The following GSPT1 variants were observed in gnomAD, a reference collection of about 807,000 sequenced individuals.
The protein encoded by GSPT1 is G1 to S phase transition 1.
A neutral mutation model predicts 72.5 loss-of-function variants in GSPT1; 20 were observed. That is an observed-to-expected ratio of 0.28 (90% CI 0.19 to 0.40). The LOEUF (loss-of-function observed/expected upper bound fraction) is 0.40, where lower values mean the gene tolerates loss of function less well. Ranked by LOEUF, GSPT1 falls within the 10% of genes least tolerant of loss-of-function variation. GSPT1 has a pLI of 1.00. For synonymous variants in GSPT1, 334 were observed against 293.5 expected, an observed-to-expected ratio of 1.14 and a Z score of -1.41; for missense variants, 580 against 811.9, an observed-to-expected ratio of 0.71 and a Z score of 3.47.
chr16:11,880,638 G>A (rs568684981), intron 11 of GSPT1, among the ~76,000 whole-genome samples: 14 of 152,216 alleles, frequency 9.2e-5, no homozygotes, highest in Admixed American at 7.2e-4. Flanking sequence ...CTGTGGATTT[G>A]ATTTTTATTT....
intron 1 of GSPT1, among the ~76,000 whole-genome samples, chr16:11,902,787 G>C (rs1000263204): frequency 8.6e-5 from 13 of 151,918 alleles, no homozygotes; most frequent in Non-Finnish European, 1.9e-4. Flanking sequence ...GGGGTTTCAC[G>C]ATGTTGCCAG....
rs1469684487 is a variant in GSPT1, at chr16:11,871,510, T to A, written c.*1609A>T. 6.6e-6 allele frequency: 1 copy of A among 152,194 alleles called. No individual in the cohort carries two copies. Among genetic ancestry groups the A allele is most frequent in the African/African-American group, 2.4e-5 (1 of 41,442 alleles). 9.4% of individuals were successfully genotyped at this position (152,194 alleles called of 1,614,324 possible). A position where few individuals can be genotyped will look rare whatever the true frequency, so the allele number is the denominator to read the frequency against. Reference sequence around the variant, plus strand: ...TGAATCCGGGAGGTGGAGGCTGCAGTGAGCTGAGATCGAGCCACTGCACTC... The same window carrying A: ...TGAATCCGGGAGGTGGAGGCTGCAGAGAGCTGAGATCGAGCCACTGCACTC... On this transcript the variant is annotated 3_prime_UTR_variant, in exon 15 of 15. Coordinates refer to ENST00000434724, the MANE Select transcript of GSPT1 (RefSeq NM_002094.4).
intron 1 of GSPT1, chr16:11,904,272 G>A (rs569105087): frequency 6.6e-6 from 1 of 152,260 alleles, no homozygotes; most frequent in South Asian, 2.1e-4. Context: ...GTGCAATCTC[G>A]GCTTACTGCA....
intron 5 of GSPT1, among the ~76,000 whole-genome samples, chr16:11,892,515 A>AAAAAAT (rs1567443201): frequency 7.5e-6 from 1 of 132,676 alleles, no homozygotes; most frequent in African/African-American, 3.1e-5. Flanking sequence ...TCAAAAAAAC[A>AAAAAAT]AAAAAAACAA....
intron 11 of GSPT1, chr16:11,882,305 C>G (rs1567437436): frequency 6.6e-6 from 1 of 152,174 alleles, no homozygotes. Context: ...TATTTTCACT[C>G]ATATGTTAGC....
At chr16:11,884,641 G>A (rs1055033882) in intron 10 of GSPT1, among the ~76,000 whole-genome samples, 2 of 152,022 alleles carry the variant, frequency 1.3e-5, no homozygotes, top group Admixed American at 1.3e-4. Flanking sequence ...GCACACGCCT[G>A]TAGTCCCAGC....
At chr16:11,902,066 G>A (rs1057403341) in intron 1 of GSPT1, among the ~76,000 whole-genome samples, 1 of 146,070 alleles carries the variant, frequency 6.8e-6, no homozygotes, top group Non-Finnish European at 1.5e-5. Context: ...TCCAGCCTGG[G>A]CAACAAGAGC....
At chr16:11,888,041 A>G (rs1448564814) in intron 6 of GSPT1, among the ~76,000 whole-genome samples, 1 of 152,172 alleles carries the variant, frequency 6.6e-6, no homozygotes, top group East Asian at 1.9e-4. Context: ...GCCCACCTGT[A>G]GTACTTAGGA....
intron 6 of GSPT1, 75 bp downstream of exon 6, chr16:11,890,987 A>G: frequency 1.4e-6 from 1 of 689,906 alleles, no homozygotes; most frequent in South Asian, 1.7e-5. Flanking sequence ...TTTATATTTT[A>G]ACAGGCTCCA....
chr16:11,912,481 C>T (rs11075033), intron 1 of GSPT1, among the ~76,000 whole-genome samples: 65,479 of 151,972 alleles, frequency 0.43, 16,895 homozygotes, highest in Non-Finnish European at 0.59. Context: ...GTTTTGGAGA[C>T]AGTGCCTCCT....
intron 1 of GSPT1, among the ~76,000 whole-genome samples, chr16:11,914,449 G>A (rs1202950684): frequency 6.6e-6 from 1 of 152,164 alleles, no homozygotes; most frequent in African/African-American, 2.4e-5. Flanking sequence ...GAAATTTTAT[G>A]GATTAGAAAA....
At position 11,877,759 on chromosome 16, in the gene GSPT1, A is replaced by G. The variant is rs906645096; in HGVS notation, c.1429-179T>C. On this transcript the variant is annotated intron_variant, in intron 11 of 14. Transcript: ENST00000434724. The surrounding 1 kb of genome is among the most constrained non-coding windows in gnomAD (Gnocchi z 4.0). ...TCAGCAAAAATCATATCCTAGAAGT[A>G]TAACTGCCAATTAAAGTATTAACGT... 3.3e-5 allele frequency among the ~76,000 whole-genome samples: 5 copies of G among 152,228 alleles called. No individual in the cohort carries two copies. Among genetic ancestry groups the G allele is most frequent in the Non-Finnish European group, 7.3e-5 (5 of 68,046 alleles).
intron 10 of GSPT1, among the ~76,000 whole-genome samples, chr16:11,883,459 C>CAAAAAAAAAAAAAAAAAA (rs66922380): frequency 6.0e-5 from 4 of 66,466 alleles, no homozygotes; most frequent in East Asian, 5.0e-4. Flanking sequence ...ACTAAAAATA[C>CAAAAAAAAAAAAAAAAAA]AAAAAAAAAA....
At chr16:11,914,898 G>T in intron 1 of GSPT1, 1 of 704,656 alleles carries the variant, frequency 1.4e-6, no homozygotes, top group Non-Finnish European at 2.2e-6. Context: ...AGTAGAAAAC[G>T]CAGCAGAAGA....
chr16:11,892,044 C>T (rs373725913), intron 5 of GSPT1, among the ~76,000 whole-genome samples: 5 of 151,946 alleles, frequency 3.3e-5, no homozygotes, highest in Non-Finnish European at 7.4e-5. Flanking sequence ...TTTACAGTCT[C>T]GAATTAACAG....
Position 11,885,276 on chromosome 16 carries a change from T to A in GSPT1, c.1254-2A>T. The A allele has an allele frequency of 6.8e-7, 1 of 1,460,672 alleles. No homozygotes were observed. The highest frequency in any genetic ancestry group is 9.6e-7 in the Non-Finnish European group (1 of 1,040,860). 90.5% of individuals were successfully genotyped at this position (1,460,672 alleles called of 1,614,324 possible). Reference sequence around the variant, plus strand: ...AGATATGGAATAAACGGTAATCCACTGAGAACATAACAACAAAGCCATTAA... The same window carrying A: ...AGATATGGAATAAACGGTAATCCACAGAGAACATAACAACAAAGCCATTAA... On this transcript the variant is annotated splice_acceptor_variant, in intron 9 of 14. Transcript: ENST00000434724. LOFTEE classifies it high-confidence loss of function.
intron 9 of GSPT1, 102 bp from the exon 10 acceptor site, chr16:11,885,376 C>A: frequency 3.0e-6 from 2 of 661,598 alleles, no homozygotes; most frequent in Non-Finnish European, 5.5e-6. Flanking sequence ...TCATTCTACT[C>A]ATGTATTCTT....
intron 1 of GSPT1, among the ~76,000 whole-genome samples, chr16:11,902,731 C>CG (rs57951329): frequency 0.32 from 47,727 of 151,508 alleles, 7,961 homozygotes; most frequent in East Asian, 0.59. Context: ...GGACTATAGG[C>CG]GTGTGCCACC....
rs1173789693 is a variant in GSPT1 at position 11,887,886 on chromosome 16, CG to C, written c.777-137del. The C allele has an allele frequency of 1.0e-4, 71 of 684,460 alleles. No homozygotes were observed. The Middle Eastern group carries it at 1.6e-3, about 15-fold the overall frequency. 42.4% of individuals were successfully genotyped at this position (684,460 alleles called of 1,614,324 possible). A position where few individuals can be genotyped will look rare whatever the true frequency, so the allele number is the denominator to read the frequency against. On this transcript the variant is annotated intron_variant, in intron 6 of 14. Coordinates refer to ENST00000434724, the MANE Select transcript of GSPT1 (RefSeq NM_002094.4). ...AAGATTGGTGAAATGAAAATTGAGC[CG>C]GGTGCGGTGGCTCACATCTGTAATC...
Sources: allele counts gnomAD v4.1 joint callset (sites outside exome capture counted in the v4.1 genomes callset), GRCh38; gene constraint gnomAD v4.1.1; non-coding constraint Gnocchi (gnomAD v3.1); transcripts MANE v1.5; gene names NCBI Gene and HGNC (gene_info 2026-07-23, HGNC 2026-07-21).